The following CDH4 variants were observed in gnomAD, a reference collection of about 807,000 sequenced individuals.
The protein encoded by CDH4 is cadherin 4, also known as cadherin-4.
A neutral mutation model predicts 86.0 loss-of-function variants in CDH4; 33 were observed. The ratio of observed to expected loss-of-function variants is 0.38; its 90% confidence interval spans 0.29 to 0.51. The LOEUF (loss-of-function observed/expected upper bound fraction) is 0.51, where lower values mean the gene tolerates loss of function less well. Ranked by LOEUF, CDH4 falls within the 20% of genes least tolerant of loss-of-function variation. The probability of loss-of-function intolerance (pLI) is 0.86; values close to 1 mark genes in which losing one functional copy is unlikely to be tolerated. For synonymous variants in CDH4, 555 were observed against 549.4 expected, an observed-to-expected ratio of 1.01 and a Z score of -0.14; for missense variants, 1,114 against 1,307.4, an observed-to-expected ratio of 0.85 and a Z score of 2.28.
chr20:61,912,631 C>G (rs2054861889), intron 9 of CDH4, among the ~76,000 whole-genome samples: 1 of 152,190 alleles, frequency 6.6e-6, no homozygotes, highest in Non-Finnish European at 1.5e-5. Flanking sequence ...CATTCCAGCC[C>G]TAACTCTGTA....
intron 2 of CDH4, among the ~76,000 whole-genome samples, chr20:61,383,706 GTA>G (rs1209645240): frequency 4.0e-5 from 3 of 74,122 alleles, no homozygotes; most frequent in Non-Finnish European, 6.2e-5. Context: ...ATATATGAAT[GTA>G]TATGATATAT....
chr20:61,642,888 T>G (rs2087025808), intron 2 of CDH4, among the ~76,000 whole-genome samples: 1 of 152,148 alleles, frequency 6.6e-6, no homozygotes, highest in African/African-American at 2.4e-5. Context: ...CATCTCCTAC[T>G]CTGATTTTCC....
intron 7 of CDH4, among the ~76,000 whole-genome samples, chr20:61,878,955 C>T (rs1022997421): frequency 3.3e-5 from 5 of 152,374 alleles, no homozygotes; most frequent in African/African-American, 9.6e-5. Flanking sequence ...GCTCTTCCTT[C>T]GCCCACCTCC....
At chr20:61,896,351 C>T (rs933358624) in intron 8 of CDH4, among the ~76,000 whole-genome samples, 3 of 152,244 alleles carry the variant, frequency 2.0e-5, no homozygotes, top group African/African-American at 7.2e-5. Flanking sequence ...CAGAGCCCCT[C>T]GCCACAGCGG....
chr20:61,307,529 G>A (rs1015534952), intron 2 of CDH4, among the ~76,000 whole-genome samples: 5 of 152,242 alleles, frequency 3.3e-5, no homozygotes, highest in African/African-American at 1.2e-4. Flanking sequence ...ATTAAAATGA[G>A]GAAAAGGTCA....
chr20:61,352,782 C>T (rs1214454848), intron 2 of CDH4, among the ~76,000 whole-genome samples: 6 of 152,080 alleles, frequency 3.9e-5, no homozygotes, highest in Non-Finnish European at 8.8e-5. Context: ...GCATTTTCTT[C>T]CTGGCCGTCT....
At position 61,622,315 on chromosome 20, in the gene CDH4, C is replaced by T. The variant is rs544266911; in HGVS notation, c.170-121248C>T. Among the ~76,000 whole-genome samples, 329 of 152,360 alleles carry T rather than the reference C, an allele frequency of 2.2e-3. 3 individuals carry two copies. The highest frequency in any genetic ancestry group is 7.4e-3 in the African/African-American group (307 of 41,586). The stretch of plus-strand genomic sequence containing the variant: ...TTATGCACGGGGGCCACCTCCTTCC[C>T]TCAGAAAGGGGAGAGGCCCCTGCTA... On this transcript the variant is annotated intron_variant, in intron 2 of 15. Coordinates refer to ENST00000614565, the MANE Select transcript of CDH4 (RefSeq NM_001794.5).
chr20:61,397,110 G>A (rs1192141351), intron 2 of CDH4, among the ~76,000 whole-genome samples: 3 of 152,072 alleles, frequency 2.0e-5, no homozygotes, highest in Non-Finnish European at 4.4e-5. Flanking sequence ...GGGTTTTGCC[G>A]TGTTGCCCAG....
At chr20:61,396,077 C>G (rs2085015089) in intron 2 of CDH4, among the ~76,000 whole-genome samples, 1 of 152,192 alleles carries the variant, frequency 6.6e-6, no homozygotes, top group Non-Finnish European at 1.5e-5. Context: ...TATTGGCGCT[C>G]AGGCCCATCC....
intron 2 of CDH4, among the ~76,000 whole-genome samples, chr20:61,386,555 G>A (rs2084951891): frequency 6.6e-6 from 1 of 152,228 alleles, no homozygotes; most frequent in Admixed American, 6.5e-5. Flanking sequence ...TCTTTGATGG[G>A]AAGATGGAGG....
At chr20:61,800,408 T>G (rs1421263160) in intron 4 of CDH4, among the ~76,000 whole-genome samples, 9 of 152,336 alleles carry the variant, frequency 5.9e-5, no homozygotes. Flanking sequence ...CTGACCCAGC[T>G]TCAGGGCCAC....
At chr20:61,831,384 G>A (rs1981605908) in intron 4 of CDH4, among the ~76,000 whole-genome samples, 1 of 152,354 alleles carries the variant, frequency 6.6e-6, no homozygotes, top group Non-Finnish European at 1.5e-5. Flanking sequence ...AGCGAGCAGT[G>A]AAGTCTCGAG....
chr20:61,496,401 CAAA>C (rs71944747), intron 2 of CDH4, among the ~76,000 whole-genome samples: 2 of 145,610 alleles, frequency 1.4e-5, no homozygotes, highest in African/African-American at 5.2e-5. Context: ...TACCCTGTCT[CAAA>C]AAAAAAAAAA....
intron 2 of CDH4, among the ~76,000 whole-genome samples, chr20:61,662,451 G>T (rs1309434586): frequency 1.3e-5 from 2 of 152,214 alleles, no homozygotes. Flanking sequence ...TTCCGAGCTT[G>T]GGAGGACGAG....
Position 61,906,116 on chromosome 20 carries a change from A to C in CDH4, c.1189-4306A>C, listed in dbSNP as rs539460037. Among the ~76,000 whole-genome samples, 7 of 152,364 alleles carry C rather than the reference A, an allele frequency of 4.6e-5. No individual in the cohort carries two copies. In the South Asian group the frequency reaches 1.4e-3, roughly 32 times the overall value. ...GCCAGAACTGACCCCTAATTGGCTG[A>C]CTTAGGTCATTAGCCTATTTCAAAC... On this transcript the variant is annotated intron_variant, in intron 8 of 15. Transcript: ENST00000614565.
intron 2 of CDH4, among the ~76,000 whole-genome samples, chr20:61,415,425 C>CTGTGA (rs1421651918): frequency 6.6e-6 from 1 of 152,196 alleles, no homozygotes; most frequent in African/African-American, 2.4e-5. Flanking sequence ...CAGTCAGCGG[C>CTGTGA]ATTAGGTACA....
intron 2 of CDH4, chr20:61,570,454 C>T (rs2086333132): frequency 5.4e-6 from 3 of 550,740 alleles, no homozygotes; most frequent in Non-Finnish European, 9.7e-6. Flanking sequence ...TGAGCTTGAC[C>T]CGAATTGCTT....
chr20:61,912,205 G>A (rs545543073), intron 9 of CDH4, among the ~76,000 whole-genome samples: 48 of 152,250 alleles, frequency 3.2e-4, no homozygotes, highest in African/African-American at 1.1e-3. Flanking sequence ...CATCTTCTGG[G>A]GCAGAGTTTA....
intron 11 of CDH4, among the ~76,000 whole-genome samples, chr20:61,925,273 C>T (rs118012136): frequency 1.3e-5 from 2 of 152,298 alleles, no homozygotes; most frequent in East Asian, 3.9e-4. Flanking sequence ...GCGAACTGGC[C>T]GAGCCCCCCA....
Sources: gnomAD v4.1 joint callset for allele counts (sites outside exome capture counted in the v4.1 genomes callset) on GRCh38, gnomAD v4.1.1 for gene constraint, MANE v1.5 for transcripts, NCBI Gene and HGNC (gene_info 2026-07-23, HGNC 2026-07-21) for gene names.